TMEM131L: variants seen among roughly 807,000 people sequenced by gnomAD.
TMEM131L encodes transmembrane protein 131-like.
TMEM131L carries 54 observed loss-of-function variants against 192.2 expected under a neutral mutation model. That is an observed-to-expected ratio of 0.28 (90% CI 0.23 to 0.35). The LOEUF (loss-of-function observed/expected upper bound fraction) is 0.35. Among genes scored for constraint, TMEM131L ranks in the 10% least tolerant of loss-of-function variants. The pLI, the probability that TMEM131L is intolerant of heterozygous loss-of-function variation, is 1.00. For missense variants in TMEM131L, 1,888 were observed against 1,972.9 expected, an observed-to-expected ratio of 0.96 and a Z score of 0.82; for synonymous variants, 701 against 704.9, an observed-to-expected ratio of 0.99 and a Z score of 0.09.
intron 7 of TMEM131L, among the ~76,000 whole-genome samples, chr4:153,576,184 T>A (rs1480525481): frequency 2.0e-5 from 3 of 152,116 alleles, no homozygotes; most frequent in African/African-American, 7.2e-5. Flanking sequence ...ATGGTCTTGA[T>A]CTCCTGACCT....
At chr4:153,546,786 A>G (rs989989163) in intron 3 of TMEM131L, among the ~76,000 whole-genome samples, 2 of 152,144 alleles carry the variant, frequency 1.3e-5, no homozygotes, top group African/African-American at 4.8e-5. Flanking sequence ...AATTAGCCAG[A>G]CCTAATGGCG....
At chr4:153,528,960 T>C (rs1735698367) in intron 3 of TMEM131L, among the ~76,000 whole-genome samples, 1 of 152,138 alleles carries the variant, frequency 6.6e-6, no homozygotes, top group South Asian at 2.1e-4. Flanking sequence ...GGGTCTGGCC[T>C]CCGAGAGTTG....
intron 4 of TMEM131L, among the ~76,000 whole-genome samples, chr4:153,551,569 T>C (rs1337644016): frequency 6.6e-6 from 1 of 152,048 alleles, no homozygotes; most frequent in Non-Finnish European, 1.5e-5. Flanking sequence ...TTGGCCAGGC[T>C]AGTCTCAAAC....
intron 29 of TMEM131L, 64 bp from the exon 30 acceptor site, chr4:153,626,083 A>G: frequency 9.9e-7 from 1 of 1,005,554 alleles, no homozygotes. Flanking sequence ...ATGCATTTTA[A>G]TACCGAATAT....
At chr4:153,578,560 G>A (rs1180271227) in intron 7 of TMEM131L, among the ~76,000 whole-genome samples, 1 of 139,762 alleles carries the variant, frequency 7.2e-6, no homozygotes, top group Non-Finnish European at 1.5e-5. Context: ...TCGTTCTGTC[G>A]CCCAGGCTGG....
Position 153,550,596 on chromosome 4 carries a change from G to A in TMEM131L, c.308+455G>A, listed in dbSNP as rs567761121. Among the ~76,000 whole-genome samples, 417 of 152,298 alleles carry A rather than the reference G, an allele frequency of 2.7e-3. 2 individuals carry two copies. Among genetic ancestry groups the A allele is most frequent in the Non-Finnish European group, 4.4e-3 (301 of 68,030 alleles). ...CCGCCTCGGCCTCCCAAAGTGCTGG[G>A]ATTACAGGCGCGAGCCACCACTCCT... On this transcript the variant is annotated intron_variant, in intron 4 of 34. Coordinates refer to ENST00000409959, the MANE Select transcript of TMEM131L (RefSeq NM_001131007.2).
intron 3 of TMEM131L, among the ~76,000 whole-genome samples, chr4:153,511,893 T>G (rs1451288158): frequency 6.6e-6 from 1 of 152,226 alleles, no homozygotes; most frequent in Admixed American, 6.5e-5. Flanking sequence ...CAATTTTGCC[T>G]TTAAAATTGT....
In TMEM131L at chr4:153,489,550, TC is replaced by T. The variant is rs1732616587; in HGVS notation, c.239+15663del. Among the ~76,000 whole-genome samples the T allele has an allele frequency of 2.0e-5, 3 of 152,276 alleles. No homozygotes were observed. In the South Asian group the frequency reaches 6.2e-4, roughly 32 times the overall value. On this transcript the variant is annotated intron_variant, in intron 3 of 34. Transcript: ENST00000409959. ...TGGAGTGCGGTGGTACGATCTCAGTTCACTGCAACCTCTGCCTTCCAGGTTC... is the reference window on the plus strand; with the variant it reads ...TGGAGTGCGGTGGTACGATCTCAGTTACTGCAACCTCTGCCTTCCAGGTTC...
At position 153,512,478 on chromosome 4, in the gene TMEM131L, C is replaced by T. The variant is rs951117712; in HGVS notation, c.240-37595C>T. 2.6e-5 allele frequency among the ~76,000 whole-genome samples: 4 copies of T among 152,290 alleles called. No homozygotes were observed. In the East Asian group the frequency reaches 7.7e-4, roughly 29 times the overall value. On this transcript the variant is annotated intron_variant, in intron 3 of 34. Coordinates refer to ENST00000409959, the MANE Select transcript of TMEM131L (RefSeq NM_001131007.2). ...ATTGGATATTTTTAAGTCATAGCAA[C>T]ATTTTAACAGAAAAGAATACTTGCC...
intron 3 of TMEM131L, among the ~76,000 whole-genome samples, chr4:153,501,943 GTTT>G (rs575832226): frequency 4.3e-5 from 5 of 117,384 alleles, no homozygotes; most frequent in Admixed American, 1.9e-4. Flanking sequence ...CCCCCAAAGG[GTTT>G]TTTTTTTTTT....
chr4:153,597,363 C>G (rs1370842574), intron 20 of TMEM131L, among the ~76,000 whole-genome samples: 1 of 151,216 alleles, frequency 6.6e-6, no homozygotes, highest in Non-Finnish European at 1.5e-5. Context: ...TTTATTTCAT[C>G]CCAGGTTGAA....
chr4:153,581,620 A>G, intron 9 of TMEM131L, 60 bp downstream of exon 9: 1 of 1,184,942 alleles, frequency 8.4e-7, no homozygotes, highest in Non-Finnish European at 1.2e-6. Flanking sequence ...ATCATTCTAT[A>G]GCATTTATGA....
intron 31 of TMEM131L, among the ~76,000 whole-genome samples, chr4:153,632,040 G>A (rs1202106281): frequency 1.3e-5 from 2 of 152,210 alleles, no homozygotes; most frequent in African/African-American, 4.8e-5. Flanking sequence ...TTGGCCAGGC[G>A]TGGTGGCTCA....
intron 29 of TMEM131L, 47 bp from the exon 30 acceptor site, chr4:153,626,100 G>C (rs1733825185): frequency 8.4e-7 from 1 of 1,192,640 alleles, no homozygotes; most frequent in African/African-American, 1.5e-5. Flanking sequence ...ATATACAGTT[G>C]AAGTGTACTT....
At chr4:153,510,614 A>G (rs1580105068) in intron 3 of TMEM131L, among the ~76,000 whole-genome samples, 1 of 152,360 alleles carries the variant, frequency 6.6e-6, no homozygotes, top group South Asian at 2.1e-4. Flanking sequence ...AGGGTGGCTC[A>G]TGCCTGTAAT....
intron 25 of TMEM131L, among the ~76,000 whole-genome samples, chr4:153,606,934 G>C (rs1732278894): frequency 6.6e-6 from 1 of 152,214 alleles, no homozygotes; most frequent in Non-Finnish European, 1.5e-5. Flanking sequence ...TCCCAGGGAA[G>C]TTTGTACATG....
chr4:153,618,375 G>A (rs1733143456), intron 26 of TMEM131L, among the ~76,000 whole-genome samples: 1 of 150,858 alleles, frequency 6.6e-6, no homozygotes, highest in Admixed American at 6.6e-5. Flanking sequence ...TACTCAGGAG[G>A]CTGAGGTAGG....
At chr4:153,588,822 T>G (rs1442441577) in intron 15 of TMEM131L, 68 bp from the exon 16 acceptor site, 1 of 840,418 alleles carries the variant, frequency 1.2e-6, no homozygotes, top group Non-Finnish European at 2.0e-6. Context: ...TATTAAGCCC[T>G]TGGCATTATT....
intron 7 of TMEM131L, among the ~76,000 whole-genome samples, chr4:153,564,214 G>A (rs186515028): frequency 3.2e-4 from 48 of 150,598 alleles, no homozygotes; most frequent in African/African-American, 1.2e-3. Flanking sequence ...GCTTGAACCC[G>A]GGAGGCGGAG....
Sources: gnomAD v4.1 joint callset for allele counts (sites outside exome capture counted in the v4.1 genomes callset) on GRCh38, gnomAD v4.1.1 for gene constraint, MANE v1.5 for transcripts, NCBI Gene and HGNC (gene_info 2026-07-23, HGNC 2026-07-21) for gene names.